The following BSDC1 variants were observed in gnomAD, a reference collection of about 807,000 sequenced individuals.
BSDC1 encodes BSD domain containing 1.
BSDC1 carries 29 observed loss-of-function variants against 56.0 expected under a neutral mutation model. The ratio of observed to expected loss-of-function variants is 0.52; its 90% CI spans 0.39 to 0.71. The LOEUF (loss-of-function observed/expected upper bound fraction) is 0.71, where lower values mean the gene tolerates loss of function less well. Ranked by LOEUF, BSDC1 falls within the 30% of genes least tolerant of loss-of-function variation. The pLI is 0.00. For synonymous variants in BSDC1, 210 were observed against 215.3 expected (o/e 0.98, Z 0.21); for missense variants, 477 against 548.5 (o/e 0.87, Z 1.30).
rs1242766833 is a variant in BSDC1 at position 32,370,480 on chromosome 1, G to T, written c.1157-1930C>A. On this transcript the variant is annotated intron_variant, in intron 9 of 10. Transcript: ENST00000455895. ...AGTCACAGACCCTTTCTGTAAACCA[G>T]GGGTTGGCAAACTATGGCCCAGGGA... 2.0e-5 allele frequency among the ~76,000 whole-genome samples: 3 copies of T among 152,060 alleles called. No individual in the cohort carries two copies. In the East Asian group the frequency reaches 5.8e-4, roughly 29 times the overall value.
Position 32,378,740 on chromosome 1 carries a change from G to T in BSDC1, c.512C>A (p.Ala171Asp). 6.5e-7 allele frequency: 1 copy of T among 1,527,200 alleles called. No individual in the cohort carries two copies. The allele number at this position is 1,527,200 out of a possible 1,614,324, so 94.6% of individuals were successfully genotyped here. A position where few individuals can be genotyped will look rare whatever the true frequency, so the allele number is the denominator to read the frequency against. The change falls in exon 6 of 11, where the codon GCC becomes GAC. Residue 171 changes from alanine to aspartate, a missense_variant. Transcript: ENST00000455895. This position sits in a 1 kb window ranked among gnomAD's most constrained non-coding sequence, Gnocchi z 5.2. Reference sequence around the variant, plus strand: ...GGCCCTCACCATCTTGGTGTAGAGGGCCCGGATGGAGGGGCTGCCTACAAG... The same window carrying T: ...GGCCCTCACCATCTTGGTGTAGAGGTCCCGGATGGAGGGGCTGCCTACAAG... ...ELLVGSPSIR[A>D]LYTKMVPAAV...
At chr1:32,386,621 T>C (rs1642681019) in intron 3 of BSDC1, 158 bp downstream of exon 3, 1 of 505,156 alleles carries the variant, frequency 2.0e-6, no homozygotes, top group Admixed American at 3.9e-5. Context: ...TGCAGCTTGT[T>C]TGGTTGCCAG....
chr1:32,368,367 G>C (rs1339474650), intron 10 of BSDC1, 80 bp downstream of exon 10: 2 of 1,614,114 alleles, frequency 1.2e-6, no homozygotes. Context: ...CTCCTGAGGG[G>C]ACAGCTGGGC....
intron 9 of BSDC1, chr1:32,369,408 C>T: frequency 1.4e-6 from 1 of 730,128 alleles, no homozygotes; most frequent in African/African-American, 1.8e-5. Context: ...ACTCAGGAGG[C>T]TGAGGTGTGG....
chr1:32,366,809 GAATGTGTCTGAGGGGCAGA>G, intron 10 of BSDC1, 155 bp from the exon 11 acceptor site: 1 of 1,391,640 alleles, frequency 7.2e-7, no homozygotes, highest in South Asian at 1.8e-5. Context: ...TAGTCTTAAG[GAATGTGTCTGAGGGGCAGA>G]GCTGCCCTCT....
intron 2 of BSDC1, among the ~76,000 whole-genome samples, chr1:32,389,190 A>G (rs1391485956): frequency 3.9e-5 from 6 of 152,162 alleles, no homozygotes; most frequent in East Asian, 1.9e-4. Context: ...TCCTGACCTC[A>G]TGATTCGCCC....
At chr1:32,368,229 G>A (rs1020721191) in intron 10 of BSDC1, 6 of 1,470,140 alleles carry the variant, frequency 4.1e-6, no homozygotes, top group Non-Finnish European at 4.5e-6. Flanking sequence ...CTAAGGTCAA[G>A]AACTTGACCC....
At chr1:32,375,600 A>G (rs912914583) in intron 9 of BSDC1, among the ~76,000 whole-genome samples, 1 of 152,224 alleles carries the variant, frequency 6.6e-6, no homozygotes. Context: ...CATTACACAG[A>G]TAAGAAACTG....
chr1:32,393,475 C>G (rs1358859811), intron 2 of BSDC1: 2 of 152,668 alleles, frequency 1.3e-5, no homozygotes, highest in African/African-American at 2.4e-5. Context: ...TCCTTCTCCA[C>G]AGGGGCCTTC....
rs948902601 is a variant in BSDC1, at chr1:32,366,350, C to CA, written c.*271dup. The CA allele has an allele frequency of 3.2e-5, 21 of 653,022 alleles. No homozygotes were observed. The African/African-American group carries it at 3.6e-4, about 11-fold the overall frequency. 40.5% of individuals were successfully genotyped at this position (653,022 alleles called of 1,614,324 possible). On this transcript the variant is annotated 3_prime_UTR_variant, in exon 11 of 11. Coordinates refer to ENST00000455895, the MANE Select transcript of BSDC1 (RefSeq NM_018045.8). ...ACAGTGGGTGTTCAGCAGAAAAACACAGGCTCTTCTGGTGAGGAGGATAGG... is the reference window on the plus strand; with the variant it reads ...ACAGTGGGTGTTCAGCAGAAAAACACAAGGCTCTTCTGGTGAGGAGGATAGG...
intron 3 of BSDC1, 183 bp downstream of exon 3, chr1:32,386,592 CTAAT>C (rs1642679821): frequency 4.0e-6 from 2 of 497,676 alleles, no homozygotes; most frequent in Non-Finnish European, 7.1e-6. Flanking sequence ...AGTGGGAAAA[CTAAT>C]TATTACTTAA....
At chr1:32,389,254 A>G (rs1355505475) in intron 2 of BSDC1, among the ~76,000 whole-genome samples, 1 of 152,162 alleles carries the variant, frequency 6.6e-6, no homozygotes, top group African/African-American at 2.4e-5. Context: ...TTTAGACTTC[A>G]GATGACCTGT....
chr1:32,364,665 C>A lies in BSDC1; in HGVS notation c.*1957G>T, dbSNP rs1394269083. 6.6e-6 allele frequency among the ~76,000 whole-genome samples: 1 copy of A among 152,226 alleles called. No homozygotes were observed. Among genetic ancestry groups the A allele is most frequent in the Non-Finnish European group, 1.5e-5 (1 of 68,050 alleles). Reference sequence around the variant, plus strand: ...TGTTGGCCAGGCTGGTCTGGAACTCCTGACCTTAGTGATCCACCCACCTTG... The same window carrying A: ...TGTTGGCCAGGCTGGTCTGGAACTCATGACCTTAGTGATCCACCCACCTTG... On this transcript the variant is annotated 3_prime_UTR_variant, in exon 11 of 11. Coordinates refer to ENST00000455895, the MANE Select transcript of BSDC1 (RefSeq NM_018045.8).
At chr1:32,383,323 A>G (rs7549994) in intron 4 of BSDC1, among the ~76,000 whole-genome samples, 10,576 of 151,888 alleles carry the variant, frequency 0.07, 1,177 homozygotes, top group African/African-American at 0.24. Flanking sequence ...GGTTCACGCC[A>G]GTGGTCCCAG....
chr1:32,369,735 G>T (rs893813237), intron 9 of BSDC1, among the ~76,000 whole-genome samples: 1 of 152,142 alleles, frequency 6.6e-6, no homozygotes, highest in Admixed American at 6.5e-5. Flanking sequence ...TTCTAGATGT[G>T]GCCTACACTG....
chr1:32,383,969 T>A lies in BSDC1; in HGVS notation c.218A>T (p.Lys73Met). 1 of 1,613,200 alleles carries A rather than the reference T, an allele frequency of 6.2e-7. No individual in the cohort carries two copies. Among genetic ancestry groups the A allele is most frequent in the Non-Finnish European group, 8.5e-7 (1 of 1,180,032 alleles). The change falls in exon 4 of 11, where the codon AAG becomes ATG. Residue 73 changes from lysine to methionine, a missense_variant. Coordinates refer to ENST00000455895, the MANE Select transcript of BSDC1 (RefSeq NM_018045.8). ...GAAGTCAGATAACCCTTTCTTCATCTTCTCTGTTGCTCCTGAGGAGCCTTC... is the reference window on the plus strand; with the variant it reads ...GAAGTCAGATAACCCTTTCTTCATCATCTCTGTTGCTCCTGAGGAGCCTTC... ...ATEGSSGATE[K>M]MKKGLSDFLG...
Position 32,364,758 on chromosome 1 carries a change from A to G in BSDC1, c.*1864T>C, listed in dbSNP as rs1010705066. On this transcript the variant is annotated 3_prime_UTR_variant, in exon 11 of 11. Transcript: ENST00000455895. The stretch of plus-strand genomic sequence containing the variant: ...TGGCATGACAAGTGATTTTCATACT[A>G]AAGTTAATTAAAATAGACCCAAGAA... Among the ~76,000 whole-genome samples the G allele has an allele frequency of 6.6e-6, 1 of 152,182 alleles. No homozygotes were observed. The highest frequency in any genetic ancestry group is 1.5e-5 in the Non-Finnish European group (1 of 68,038).
Position 32,386,834 on chromosome 1 carries a change from T to A in BSDC1, c.134A>T (p.His45Leu), listed in dbSNP as rs1037173381. The stretch of plus-strand genomic sequence containing the variant: ...GGCTGCGATGGTACAGGCCGTGTCA[T>A]GCTGCACCACCTGGGTAAACTCCGT... ...DLTEFTQVVQHDTACTIAATA... is the reference protein window; with the variant it reads ...DLTEFTQVVQLDTACTIAATA... The change falls in exon 3 of 11, where the codon CAT (histidine) becomes CTT (leucine). Residue 45 changes from histidine (H) to leucine (L), a missense_variant. Physicochemically the swap from His to Leu is moderately conservative, Grantham distance 99 (BLOSUM62 -3). Coordinates refer to ENST00000455895, the MANE Select transcript of BSDC1 (RefSeq NM_018045.8). The A allele has an allele frequency of 1.9e-6, 3 of 1,612,392 alleles. No homozygotes were observed. In the African/African-American group the frequency reaches 4.0e-5, roughly 22 times the overall value.
chr1:32,385,878 G>A (rs189774448), intron 3 of BSDC1, among the ~76,000 whole-genome samples: 39 of 152,270 alleles, frequency 2.6e-4, no homozygotes, highest in Middle Eastern at 3.4e-3. Flanking sequence ...AAATATTATG[G>A]CACTGGGTAA....
Sources: allele counts gnomAD v4.1 joint callset (sites outside exome capture counted in the v4.1 genomes callset), GRCh38; gene constraint gnomAD v4.1.1; non-coding constraint Gnocchi (gnomAD v3.1); transcripts MANE v1.5; gene names NCBI Gene and HGNC (gene_info 2026-07-23, HGNC 2026-07-21).